The following FOXN3 variants were observed in gnomAD, a reference collection of about 807,000 sequenced individuals.
The protein encoded by FOXN3 is forkhead box N3.
FOXN3 carries 7 observed loss-of-function variants against 38.4 expected under a neutral mutation model. The observed-to-expected ratio is 0.18, with a 90% confidence interval of 0.10 to 0.34. FOXN3 has a LOEUF of 0.34. FOXN3 is among the 10% of genes least tolerant of loss of function. FOXN3 has a pLI of 1.00. For missense variants in FOXN3, 456 were observed against 613.4 expected, an observed-to-expected ratio of 0.74 and a Z score of 2.71; for synonymous variants, 230 against 242.2, an observed-to-expected ratio of 0.95 and a Z score of 0.47.
chr14:89,340,658 T>C (rs920379965), intron 3 of FOXN3, among the ~76,000 whole-genome samples: 4 of 152,264 alleles, frequency 2.6e-5, no homozygotes, highest in African/African-American at 9.6e-5. Context: ...TGGAGATTTA[T>C]GCAAAGGGTG....
chr14:89,510,529 C>A (rs543527205), intron 1 of FOXN3, among the ~76,000 whole-genome samples: 8 of 152,186 alleles, frequency 5.3e-5, no homozygotes, highest in Non-Finnish European at 1.0e-4. Context: ...CAGCTCCGAT[C>A]ACACATGAGA....
upstream of FOXN3, among the ~76,000 whole-genome samples, chr14:89,420,457 C>A (rs1325281219): frequency 6.6e-6 from 1 of 152,176 alleles, no homozygotes; most frequent in African/African-American, 2.4e-5. Flanking sequence ...ACCTGAGCTT[C>A]TCACCTGGGG....
At position 89,609,904 on chromosome 14, in the gene FOXN3, G is replaced by A. The variant is rs560630983; in HGVS notation, c.-15+9124C>T. Among the ~76,000 whole-genome samples the A allele has an allele frequency of 3.3e-5, 5 of 152,028 alleles. No homozygotes were observed. In the South Asian group the frequency reaches 6.2e-4, roughly 19 times the overall value. On this transcript the variant is annotated intron_variant, in intron 1 of 6. Coordinates refer to the FOXN3 transcript ENST00000345097. ...GATGTAAAACGAGGGCGGGGGCGGC[G>A]GCGGCTGGCGGTCCAAGTTTTCTAG...
rs1893396644 is a variant in FOXN3 at position 89,484,100 on chromosome 14, A to G, written c.-14-71610T>C. On this transcript the variant is annotated intron_variant, in intron 1 of 6. Transcript: ENST00000345097. This position sits in a 1 kb window ranked among gnomAD's most constrained non-coding sequence, Gnocchi z 4.0. ...CATGTTGCATCTAGGTTTTATTTTA[A>G]GTTAAAGAGATGAATGGAAATATCC... is the stretch of plus-strand genomic sequence containing the variant. Among the ~76,000 whole-genome samples the G allele has an allele frequency of 6.6e-6, 1 of 152,238 alleles. No homozygotes were observed. Among genetic ancestry groups the G allele is most frequent in the Non-Finnish European group, 1.5e-5 (1 of 68,038 alleles).
At chr14:89,187,785 C>T (rs746993972) in intron 4 of FOXN3, among the ~76,000 whole-genome samples, 41 of 152,122 alleles carry the variant, frequency 2.7e-4, no homozygotes, top group Non-Finnish European at 4.7e-4. Flanking sequence ...AGCTGGCTTC[C>T]CAAGTGCACA....
chr14:89,609,490 T>G (rs1442010440), intron 1 of FOXN3, among the ~76,000 whole-genome samples: 1 of 152,174 alleles, frequency 6.6e-6, no homozygotes, highest in Non-Finnish European at 1.5e-5. Context: ...TACAATAATT[T>G]GAGTTGCAAC....
At chr14:89,398,554 T>C (rs1891158890) in intron 2 of FOXN3, among the ~76,000 whole-genome samples, 1 of 152,148 alleles carries the variant, frequency 6.6e-6, no homozygotes, top group African/African-American at 2.4e-5. Flanking sequence ...ACCATGGAGA[T>C]GACAAGAAAA....
intron 1 of FOXN3, among the ~76,000 whole-genome samples, chr14:89,489,104 A>G (rs988089752): frequency 6.6e-6 from 1 of 152,198 alleles, no homozygotes; most frequent in African/African-American, 2.4e-5. Flanking sequence ...ATGAAGCCGG[A>G]TTCAGAATTG....
chr14:89,558,993 C>T (rs998041135), intron 1 of FOXN3, among the ~76,000 whole-genome samples: 5 of 152,288 alleles, frequency 3.3e-5, no homozygotes, highest in Middle Eastern at 3.4e-3. Flanking sequence ...GAACGCACAG[C>T]GCTGCCAAAG....
intron 4 of FOXN3, among the ~76,000 whole-genome samples, chr14:89,234,854 C>T (rs1193389978): frequency 1.3e-5 from 2 of 152,168 alleles, no homozygotes; most frequent in South Asian, 2.1e-4. Flanking sequence ...TCTTGGCCCA[C>T]CTAGCCCTCG....
At chr14:89,435,995 A>G (rs1596272575) in intron 1 of FOXN3, among the ~76,000 whole-genome samples, 1 of 136,746 alleles carries the variant, frequency 7.3e-6, no homozygotes, top group South Asian at 2.4e-4. Context: ...ATCCTTCATC[A>G]CTCATTTTTC....
At chr14:89,223,062 A>C (rs8020130) in intron 4 of FOXN3, 2,883 of 152,346 alleles carry the variant, frequency 0.019, 91 homozygotes, top group African/African-American at 0.065. Flanking sequence ...AGCCACCGCA[A>C]CTGGCCTGGG....
chr14:89,512,689 C>T (rs1894116900), intron 1 of FOXN3, among the ~76,000 whole-genome samples: 1 of 152,266 alleles, frequency 6.6e-6, no homozygotes. Context: ...TACCGCACAA[C>T]TGCTGTTTCT....
At chr14:89,195,079 T>C (rs956884686) in intron 4 of FOXN3, among the ~76,000 whole-genome samples, 1 of 152,248 alleles carries the variant, frequency 6.6e-6, no homozygotes, top group Non-Finnish European at 1.5e-5. Flanking sequence ...TTTCTTTAGA[T>C]TGCAAACTAC....
At chr14:89,457,212 T>C (rs1248111553) in intron 1 of FOXN3, among the ~76,000 whole-genome samples, 1 of 152,204 alleles carries the variant, frequency 6.6e-6, no homozygotes, top group Non-Finnish European at 1.5e-5. Flanking sequence ...TATTGTCAGT[T>C]GGTGCATTCT....
chr14:89,394,100 A>G (rs1891035876), intron 2 of FOXN3, among the ~76,000 whole-genome samples: 1 of 151,860 alleles, frequency 6.6e-6, no homozygotes, highest in Admixed American at 6.6e-5. Context: ...TTTATAAGGA[A>G]CCCACTCCCA....
chr14:89,607,739 T>C (rs1341399787), intron 1 of FOXN3, among the ~76,000 whole-genome samples: 1 of 152,050 alleles, frequency 6.6e-6, no homozygotes, highest in African/African-American at 2.4e-5. Context: ...TAAAATAGAA[T>C]GGAGTAGGTC....
chr14:89,530,497 C>T (rs1288200083), intron 1 of FOXN3, among the ~76,000 whole-genome samples: 1 of 152,194 alleles, frequency 6.6e-6, no homozygotes, highest in African/African-American at 2.4e-5. Flanking sequence ...CCTCCCATTA[C>T]ACCTAAGAAT....
intron 3 of FOXN3, chr14:89,291,324 T>G (rs763156799): frequency 2.2e-5 from 12 of 536,324 alleles, no homozygotes; most frequent in Non-Finnish European, 4.0e-5. Flanking sequence ...CTCGGGGTTG[T>G]TGGTCATGAG....
Sources: gnomAD v4.1 joint callset for allele counts (sites outside exome capture counted in the v4.1 genomes callset) on GRCh38, gnomAD v4.1.1 for gene constraint, Gnocchi (gnomAD v3.1) non-coding constraint, MANE v1.5 for transcripts, NCBI Gene and HGNC (gene_info 2026-07-23, HGNC 2026-07-21) for gene names.